Variants in KAZN observed in about 807,000 individuals in gnomAD.
KAZN encodes the protein kazrin.
In KAZN, 40 loss-of-function variants were observed where a neutral mutation model predicts 87.4. The ratio of observed to expected loss-of-function variants is 0.46; its 90% CI spans 0.36 to 0.60. The LOEUF (loss-of-function observed/expected upper bound fraction) is 0.60, where lower values mean the gene tolerates loss of function less well. KAZN is among the 20% of genes least tolerant of loss of function. KAZN has a pLI of 0.00. For missense variants in KAZN, 898 were observed against 1,073.9 expected (o/e 0.84, Z 2.29); for synonymous variants, 466 against 458.3 (o/e 1.02, Z -0.22).
chr1:15,088,381 G>A (rs1640367286), intron 8 of KAZN, among the ~76,000 whole-genome samples: 1 of 152,114 alleles, frequency 6.6e-6, no homozygotes, highest in African/African-American at 2.4e-5. Context: ...GTGGGTGGGG[G>A]GGTGTGCATG....
chr1:13,956,310 CTT>C (rs71576051), intron 1 of KAZN, among the ~76,000 whole-genome samples: 3 of 138,568 alleles, frequency 2.2e-5, no homozygotes, highest in Admixed American at 7.3e-5. Context: ...TCTTTTTTTT[CTT>C]TTTTTTTTTT....
At chr1:14,800,088 G>T (rs1043042441) in intron 1 of KAZN, among the ~76,000 whole-genome samples, 11 of 152,126 alleles carry the variant, frequency 7.2e-5, no homozygotes, top group Admixed American at 5.9e-4. Flanking sequence ...GGTCCATGAT[G>T]AGCCAGATGA....
chr1:14,298,398 T>A (rs1398428113), intron 2 of KAZN, among the ~76,000 whole-genome samples: 1 of 152,218 alleles, frequency 6.6e-6, no homozygotes, highest in East Asian at 1.9e-4. Flanking sequence ...GGCTTGTGTA[T>A]AAAAACTCAT....
intron 1 of KAZN, among the ~76,000 whole-genome samples, chr1:14,847,353 A>G (rs1648907488): frequency 6.6e-6 from 1 of 152,172 alleles, no homozygotes; most frequent in Admixed American, 6.5e-5. Context: ...GCCTGTGAAG[A>G]ACAGACACTG....
intron 1 of KAZN, among the ~76,000 whole-genome samples, chr1:14,733,772 G>A (rs1203609202): frequency 4.6e-5 from 7 of 152,138 alleles, no homozygotes; most frequent in Admixed American, 3.9e-4. Context: ...CAGGTTTCTC[G>A]CATCTGAACC....
rs79994542 is a variant in KAZN at position 14,574,670 on chromosome 1, C to A, written c.250-24313C>A. Among the ~76,000 whole-genome samples, 735 of 152,084 alleles carry A rather than the reference C, an allele frequency of 4.8e-3. 7 individuals are homozygous for A. The highest frequency in any genetic ancestry group is 0.016 in the African/African-American group (680 of 41,508). On this transcript the variant is annotated intron_variant, in intron 2 of 16. Transcript: ENST00000636203. Reference sequence around the variant, plus strand: ...CGGGTATGTCTTTATCAGCAGCAGACTAATACACCTACATTCATTCAACCA... The same window carrying A: ...CGGGTATGTCTTTATCAGCAGCAGAATAATACACCTACATTCATTCAACCA...
rs997414356 is a variant in KAZN, at chr1:15,065,773, C to T, written c.1222+20C>T. On this transcript the variant is annotated intron_variant, in intron 8 of 14. Transcript: ENST00000376030. ...TTGATGGTACCGCCCCTGATTATTA[C>T]ATAGAGGAGGACGCGGACTGGTGAT... The T allele has an allele frequency of 8.1e-6, 13 of 1,613,260 alleles. No individual in the cohort carries two copies. Among genetic ancestry groups the T allele is most frequent in the Non-Finnish European group, 1.0e-5 (12 of 1,179,506 alleles).
intron 2 of KAZN, among the ~76,000 whole-genome samples, chr1:14,333,959 C>T (rs568489091): frequency 3.9e-5 from 6 of 152,166 alleles, no homozygotes; most frequent in South Asian, 2.1e-4. Context: ...ACATAGGAGG[C>T]GTGGTCATCA....
At chr1:14,147,487 T>C (rs1336674962) in intron 1 of KAZN, among the ~76,000 whole-genome samples, 2 of 152,156 alleles carry the variant, frequency 1.3e-5, no homozygotes, top group Middle Eastern at 3.2e-3. Flanking sequence ...TTAGATTTAT[T>C]GGGAGGATTA....
chr1:14,992,264 G>A (rs1384023889), intron 2 of KAZN, among the ~76,000 whole-genome samples: 1 of 152,180 alleles, frequency 6.6e-6, no homozygotes, highest in East Asian at 1.9e-4. Flanking sequence ...GAGGAGTCTT[G>A]AAGGAAGGAC....
intron 1 of KAZN, among the ~76,000 whole-genome samples, chr1:14,725,930 C>T (rs886958826): frequency 4.6e-5 from 7 of 152,180 alleles, no homozygotes; most frequent in African/African-American, 1.2e-4. Flanking sequence ...GGGAGGGAAG[C>T]GGATGGGCTC....
At chr1:14,724,770 G>A (rs1047980062) in intron 1 of KAZN, among the ~76,000 whole-genome samples, 8 of 152,344 alleles carry the variant, frequency 5.3e-5, no homozygotes, top group African/African-American at 1.7e-4. Context: ...GATGGGCTGC[G>A]GTGGAATTGA....
At chr1:14,375,465 T>C (rs1430600335) in intron 2 of KAZN, among the ~76,000 whole-genome samples, 1 of 152,178 alleles carries the variant, frequency 6.6e-6, no homozygotes, top group Non-Finnish European at 1.5e-5. Flanking sequence ...TCTTCAACAC[T>C]GGGATCACGT....
intron 1 of KAZN, among the ~76,000 whole-genome samples, chr1:14,114,132 G>A (rs1173232946): frequency 6.6e-6 from 1 of 152,236 alleles, no homozygotes; most frequent in African/African-American, 2.4e-5. Flanking sequence ...GCCAGCCATG[G>A]CGGTGGCAGA....
chr1:14,457,804 T>C (rs549138861), intron 2 of KAZN, among the ~76,000 whole-genome samples: 1 of 151,826 alleles, frequency 6.6e-6, no homozygotes, highest in African/African-American at 2.4e-5. Flanking sequence ...ATATTCTTTT[T>C]TGTTGTTGTT....
intron 8 of KAZN, among the ~76,000 whole-genome samples, chr1:15,072,095 A>G (rs538766814): frequency 1.3e-5 from 2 of 152,216 alleles, no homozygotes; most frequent in African/African-American, 4.8e-5. Context: ...CCCACATCTG[A>G]TTCTAAGCAA....
chr1:14,481,813 TG>T (rs1367615803), intron 2 of KAZN, among the ~76,000 whole-genome samples: 9 of 152,190 alleles, frequency 5.9e-5, no homozygotes, highest in Non-Finnish European at 1.2e-4. Context: ...TGGAGATGCC[TG>T]TGAAGGAGAC....
chr1:14,904,541 G>A (rs1311876572), intron 1 of KAZN, among the ~76,000 whole-genome samples: 1 of 152,188 alleles, frequency 6.6e-6, no homozygotes, highest in Non-Finnish European at 1.5e-5. Flanking sequence ...ATGTGCCACT[G>A]CAGATGTCTG....
intron 1 of KAZN, among the ~76,000 whole-genome samples, chr1:14,772,610 G>A (rs1234704905): frequency 6.6e-6 from 1 of 152,044 alleles, no homozygotes; most frequent in African/African-American, 2.4e-5. Flanking sequence ...AATGACAGAG[G>A]ATCACAGCAC....
Sources: gnomAD v4.1 joint callset for allele counts (sites outside exome capture counted in the v4.1 genomes callset) on GRCh38, gnomAD v4.1.1 for gene constraint, MANE v1.5 for transcripts, NCBI Gene and HGNC (gene_info 2026-07-23, HGNC 2026-07-21) for gene names.